ADGRL3: variants seen among roughly 807,000 people sequenced by gnomAD.
ADGRL3 encodes adhesion G protein-coupled receptor L3, also known as calcium-independent alpha-latrotoxin receptor 3.
In ADGRL3, 62 loss-of-function variants were observed where a neutral mutation model predicts 153.5. The ratio of observed to expected loss-of-function variants is 0.40; its 90% CI spans 0.33 to 0.50. The LOEUF (loss-of-function observed/expected upper bound fraction) is 0.50. ADGRL3 is among the 20% of genes least tolerant of loss of function. The pLI is 0.47. For synonymous variants in ADGRL3, 710 were observed against 672.5 expected, an observed-to-expected ratio of 1.06 and a Z score of -0.86; for missense variants, 1,641 against 1,859.4, an observed-to-expected ratio of 0.88 and a Z score of 2.16.
At chr4:61,467,438 A>G (rs1387065721) in intron 2 of ADGRL3, among the ~76,000 whole-genome samples, 2 of 151,982 alleles carry the variant, frequency 1.3e-5, no homozygotes, top group Non-Finnish European at 2.9e-5. Flanking sequence ...GAATAAAAGA[A>G]CAAGTTAATG....
At chr4:61,996,577 G>T (rs1390076228) in intron 20 of ADGRL3, among the ~76,000 whole-genome samples, 1 of 152,128 alleles carries the variant, frequency 6.6e-6, no homozygotes, top group Non-Finnish European at 1.5e-5. Context: ...ATTTGCAAAA[G>T]CTTATGGAGT....
intron 6 of ADGRL3, among the ~76,000 whole-genome samples, chr4:61,704,081 A>T (rs974423660): frequency 1.3e-5 from 2 of 152,198 alleles, no homozygotes; most frequent in African/African-American, 4.8e-5. Context: ...AGGGCAACTT[A>T]TTACTTGCTG....
chr4:61,545,530 CCTT>C (rs1392620835), intron 4 of ADGRL3, among the ~76,000 whole-genome samples: 3 of 152,294 alleles, frequency 2.0e-5, no homozygotes, highest in East Asian at 1.9e-4. Context: ...CCCTGTCTCT[CCTT>C]CTCTGAGTCT....
chr4:61,732,263 G>A (rs1013272565), intron 7 of ADGRL3, among the ~76,000 whole-genome samples: 5 of 151,970 alleles, frequency 3.3e-5, no homozygotes, highest in African/African-American at 1.2e-4. Context: ...GTATTACAGG[G>A]CTTTTCTTTT....
chr4:61,937,710 G>GCCTTT (rs1461246614), intron 15 of ADGRL3, among the ~76,000 whole-genome samples: 1 of 152,050 alleles, frequency 6.6e-6, no homozygotes, highest in Non-Finnish European at 1.5e-5. Flanking sequence ...GAAAGCAGAG[G>GCCTTT]CCTTGTCTAA....
At chr4:61,323,330 T>C (rs2095401697) in intron 1 of ADGRL3, among the ~76,000 whole-genome samples, 1 of 152,208 alleles carries the variant, frequency 6.6e-6, no homozygotes, top group Non-Finnish European at 1.5e-5. Flanking sequence ...GTCTTGGTGA[T>C]TAACATTCGG....
chr4:61,974,904 C>G (rs1182284980), intron 17 of ADGRL3, among the ~76,000 whole-genome samples: 3 of 152,134 alleles, frequency 2.0e-5, no homozygotes, highest in African/African-American at 7.2e-5. Flanking sequence ...GAGGAAGAGT[C>G]CCAAGGACTG....
chr4:61,286,769 C>T (rs1334376129), intron 1 of ADGRL3, among the ~76,000 whole-genome samples: 3 of 151,308 alleles, frequency 2.0e-5, no homozygotes, highest in Non-Finnish European at 4.4e-5. Context: ...GAGGCCCTAA[C>T]GTGAATGACA....
At position 61,667,610 on chromosome 4, in the gene ADGRL3, G is replaced by A. The variant is rs143810042; in HGVS notation, c.474-9216G>A. The stretch of plus-strand genomic sequence containing the variant: ...TCACATTTTGTGAGGTTTTACGTAA[G>A]TCCAAATTGAAAATACATTCCAATT... On this transcript the variant is annotated intron_variant, in intron 5 of 26. Transcript: ENST00000683033. 2.3e-4 allele frequency among the ~76,000 whole-genome samples: 35 copies of A among 152,268 alleles called. 2 individuals are homozygous for A. The highest frequency in any genetic ancestry group is 8.2e-4 in the African/African-American group (34 of 41,558).
chr4:61,771,835 A>G (rs1337399999), intron 8 of ADGRL3, among the ~76,000 whole-genome samples: 1 of 152,182 alleles, frequency 6.6e-6, no homozygotes, highest in Non-Finnish European at 1.5e-5. Context: ...AGAGGGTGCA[A>G]AAGAAGCCAC....
chr4:61,216,446 G>A (rs745578612), intron 1 of ADGRL3, among the ~76,000 whole-genome samples: 2 of 151,936 alleles, frequency 1.3e-5, no homozygotes, highest in African/African-American at 2.4e-5. Context: ...TATCAAGGCA[G>A]TTTCAACTTT....
chr4:61,367,361 A>G (rs1469568650), intron 1 of ADGRL3, among the ~76,000 whole-genome samples: 2 of 151,922 alleles, frequency 1.3e-5, no homozygotes, highest in African/African-American at 4.8e-5. Context: ...AGCATTAGGT[A>G]TATCTCCCAA....
chr4:61,248,125 AAT>A (rs747365459), intron 1 of ADGRL3, among the ~76,000 whole-genome samples: 6 of 152,118 alleles, frequency 3.9e-5, no homozygotes, highest in Admixed American at 6.6e-5. Flanking sequence ...TGACTCACTG[AAT>A]TGAAACCTTC....
chr4:61,278,374 T>G (rs202152828), intron 1 of ADGRL3, among the ~76,000 whole-genome samples: 2 of 152,236 alleles, frequency 1.3e-5, no homozygotes, highest in East Asian at 3.8e-4. Flanking sequence ...CAAATTGAAT[T>G]TTAGCTTTTA....
chr4:61,979,797 T>C, intron 18 of ADGRL3, 25 bp downstream of exon 18: 1 of 1,591,382 alleles, frequency 6.3e-7, no homozygotes, highest in Non-Finnish European at 8.6e-7. Context: ...TTGATACCAG[T>C]GAAGAATTTT....
At chr4:61,748,242 A>G (rs983842949) in intron 8 of ADGRL3, among the ~76,000 whole-genome samples, 1 of 152,214 alleles carries the variant, frequency 6.6e-6, no homozygotes, top group Admixed American at 6.5e-5. Flanking sequence ...TTCCATGCTC[A>G]TGGGTAGGAA....
chr4:61,336,056 G>C (rs1034867354), intron 1 of ADGRL3, among the ~76,000 whole-genome samples: 1 of 151,968 alleles, frequency 6.6e-6, no homozygotes, highest in Admixed American at 6.6e-5. Context: ...TATGGATAAG[G>C]TATTGGATAG....
chr4:61,945,812 C>A (rs1223050979), intron 15 of ADGRL3, among the ~76,000 whole-genome samples: 1 of 151,940 alleles, frequency 6.6e-6, no homozygotes, highest in African/African-American at 2.4e-5. Context: ...GGTGCGCACA[C>A]ACACTGGCCT....
At chr4:61,803,000 A>C (rs1332105725) in intron 8 of ADGRL3, among the ~76,000 whole-genome samples, 1 of 152,176 alleles carries the variant, frequency 6.6e-6, no homozygotes, top group Non-Finnish European at 1.5e-5. Flanking sequence ...ATGAGACTAT[A>C]ATATGAAGAA....
Sources: allele counts gnomAD v4.1 joint callset (sites outside exome capture counted in the v4.1 genomes callset), GRCh38; gene constraint gnomAD v4.1.1; transcripts MANE v1.5; gene names NCBI Gene and HGNC (gene_info 2026-07-23, HGNC 2026-07-21).